KIF16B: variants seen among roughly 807,000 people sequenced by gnomAD.
The protein encoded by KIF16B is kinesin family member 16B, also known as kinesin-like protein KIF16B.
In KIF16B, 98 loss-of-function variants were observed where a neutral mutation model predicts 156.3. That is an observed-to-expected ratio of 0.63 (90% CI 0.53 to 0.74). The LOEUF is 0.74. Among genes scored for constraint, KIF16B ranks in the 30% least tolerant of loss-of-function variants. KIF16B has a pLI of 0.00. For missense variants in KIF16B, 1,421 were observed against 1,606.5 expected (o/e 0.88, Z 1.97); for synonymous variants, 564 against 583.7 (o/e 0.97, Z 0.49).
chr20:16,385,519 T>G lies in KIF16B; in HGVS notation c.1785-3772A>C, dbSNP rs565018201. ...GAGACCATGAACAAGTTATTTAACC[T>G]TGGATGCTTCATTGCTGTAAAGGCT... On this transcript the variant is annotated intron_variant, in intron 17 of 25. Transcript: ENST00000354981. 9.2e-5 allele frequency among the ~76,000 whole-genome samples: 14 copies of G among 152,296 alleles called. No homozygotes were observed. The East Asian group carries it at 2.7e-3, about 29-fold the overall frequency.
intron 1 of KIF16B, among the ~76,000 whole-genome samples, chr20:16,561,192 G>A (rs931156696): frequency 2.6e-5 from 4 of 152,122 alleles, no homozygotes; most frequent in Non-Finnish European, 5.9e-5. Flanking sequence ...TACTCAAGAG[G>A]CTGAGGCATA....
intron 17 of KIF16B, among the ~76,000 whole-genome samples, chr20:16,385,003 C>A (rs1320158625): frequency 6.6e-6 from 1 of 151,906 alleles, no homozygotes; most frequent in Non-Finnish European, 1.5e-5. Context: ...TTGAGACCAA[C>A]CTGGCCAACA....
At chr20:16,364,669 A>C (rs1302171959) in intron 22 of KIF16B, among the ~76,000 whole-genome samples, 2 of 152,234 alleles carry the variant, frequency 1.3e-5, no homozygotes, top group African/African-American at 2.4e-5. Context: ...CTTCACAGAG[A>C]GTAAATCAAA....
rs780090778 is a variant in KIF16B, at chr20:16,367,857, T to C, written c.3498+2729A>G. 11 of 1,585,314 alleles carry C rather than the reference T, an allele frequency of 6.9e-6. No individual in the cohort carries two copies. The South Asian group carries it at 1.2e-4, about 17-fold the overall frequency. ...GAGAGAGGTATTTGTTGTAACTGAA[T>C]ACAGTGAGCAGAAGACCCTCTGCAG... On this transcript the variant is annotated intron_variant, in intron 22 of 25. Transcript: ENST00000354981.
At chr20:16,452,362 A>G (rs4141417) in intron 12 of KIF16B, among the ~76,000 whole-genome samples, 51,521 of 151,618 alleles carry the variant, frequency 0.34, 9,953 homozygotes, top group African/African-American at 0.52. Context: ...TAATTTGAAT[A>G]TGAGCAAAAA....
At chr20:16,515,500 G>A (rs2069114288) in intron 4 of KIF16B, 48 bp downstream of exon 4, 9 of 977,724 alleles carry the variant, frequency 9.2e-6, no homozygotes, top group Non-Finnish European at 1.3e-5. Context: ...TACCAGTCCA[G>A]AGAAAGATAA....
Position 16,542,319 on chromosome 20 carries a change from C to G in KIF16B, c.48-13879G>C, listed in dbSNP as rs577350269. 5.9e-5 allele frequency among the ~76,000 whole-genome samples: 9 copies of G among 152,142 alleles called. No individual in the cohort carries two copies. In the East Asian group the frequency reaches 1.7e-3, roughly 29 times the overall value. ...GATTTATATATTCATTCATTCATTCCATAAATATTTAGTGAGAATTAATGC... is the reference window on the plus strand; with the variant it reads ...GATTTATATATTCATTCATTCATTCGATAAATATTTAGTGAGAATTAATGC... On this transcript the variant is annotated intron_variant, in intron 1 of 25. Coordinates refer to ENST00000354981, the MANE Select transcript of KIF16B (RefSeq NM_024704.5).
intron 25 of KIF16B, among the ~76,000 whole-genome samples, chr20:16,275,055 CTT>C (rs4052896): frequency 1.4e-4 from 19 of 140,358 alleles, no homozygotes; most frequent in African/African-American, 1.6e-4. Context: ...ATAAATTGTA[CTT>C]TTTTTTTTTT....
At chr20:16,312,230 T>G in intron 25 of KIF16B, 105 bp downstream of exon 25, 1 of 764,724 alleles carries the variant, frequency 1.3e-6, no homozygotes, top group South Asian at 1.8e-5. Context: ...AGGCAGCATC[T>G]TCACACTTGT....
At chr20:16,515,026 G>A (rs1395545312) in intron 4 of KIF16B, among the ~76,000 whole-genome samples, 2 of 151,076 alleles carry the variant, frequency 1.3e-5, no homozygotes, top group African/African-American at 4.9e-5. Flanking sequence ...ATTAATATCA[G>A]TTAACTTACA....
At chr20:16,321,980 G>A (rs553538623) in intron 24 of KIF16B, among the ~76,000 whole-genome samples, 6 of 152,118 alleles carry the variant, frequency 3.9e-5, no homozygotes, top group African/African-American at 1.4e-4. Context: ...CCTAGAGAAT[G>A]CTGAAGGAGA....
At chr20:16,326,959 G>A (rs1240634787) in intron 24 of KIF16B, among the ~76,000 whole-genome samples, 1 of 137,990 alleles carries the variant, frequency 7.2e-6, no homozygotes, top group Non-Finnish European at 1.6e-5. Context: ...TAAAGAAAAT[G>A]TTATATATAT....
chr20:16,384,711 C>T (rs1039754530), intron 17 of KIF16B, among the ~76,000 whole-genome samples: 1 of 151,940 alleles, frequency 6.6e-6, no homozygotes, highest in African/African-American at 2.4e-5. Flanking sequence ...AGAGCAGGAC[C>T]CATGACAACT....
chr20:16,465,473 CT>C (rs2067463881), intron 12 of KIF16B, among the ~76,000 whole-genome samples: 1 of 152,204 alleles, frequency 6.6e-6, no homozygotes, highest in Non-Finnish European at 1.5e-5. Flanking sequence ...CAATGGCCCC[CT>C]GTGCTAATCC....
In KIF16B at chr20:16,555,520, C is replaced by G. The variant is rs566513007; in HGVS notation, c.47+17709G>C. On this transcript the variant is annotated intron_variant, in intron 1 of 25. Coordinates refer to ENST00000354981, the MANE Select transcript of KIF16B (RefSeq NM_024704.5). The stretch of plus-strand genomic sequence containing the variant: ...ACTTAATCAAGCCATAGACCAAAGG[C>G]CATCCTCCAAGGAAAAGCTCATAAA... Among the ~76,000 whole-genome samples, 352 of 152,320 alleles carry G rather than the reference C, an allele frequency of 2.3e-3. 1 individual carries two copies. Among genetic ancestry groups the G allele is most frequent in the African/African-American group, 7.7e-3 (320 of 41,572 alleles).
intron 22 of KIF16B, among the ~76,000 whole-genome samples, chr20:16,369,536 G>A (rs547114409): frequency 1.2e-4 from 18 of 152,218 alleles, no homozygotes; most frequent in Middle Eastern, 3.4e-3. Context: ...CAGTACCCAC[G>A]TCTTGATCTA....
chr20:16,323,817 G>A (rs1455226392), intron 24 of KIF16B, among the ~76,000 whole-genome samples: 4 of 151,838 alleles, frequency 2.6e-5, no homozygotes, highest in African/African-American at 9.7e-5. Flanking sequence ...AGAAGCTGCT[G>A]TCCTGTTGTC....
intron 12 of KIF16B, among the ~76,000 whole-genome samples, chr20:16,468,244 A>G (rs1169205539): frequency 6.6e-6 from 1 of 152,188 alleles, no homozygotes; most frequent in Non-Finnish European, 1.5e-5. Flanking sequence ...AGACAGAGTA[A>G]ATGTCAGAAC....
chr20:16,534,879 A>G (rs1157605750), intron 1 of KIF16B, among the ~76,000 whole-genome samples: 1 of 152,186 alleles, frequency 6.6e-6, no homozygotes, highest in African/African-American at 2.4e-5. Flanking sequence ...TAATACCAAT[A>G]CCATGCTGTT....
Sources: allele counts gnomAD v4.1 joint callset (sites outside exome capture counted in the v4.1 genomes callset), GRCh38; gene constraint gnomAD v4.1.1; transcripts MANE v1.5; gene names NCBI Gene and HGNC (gene_info 2026-07-23, HGNC 2026-07-21).